The following SLC9A2 variants were observed in gnomAD, a reference collection of about 807,000 sequenced individuals.
SLC9A2 encodes solute carrier family 9 member A2, also known as sodium/hydrogen exchanger 2.
In SLC9A2, 42 loss-of-function variants were observed where a neutral mutation model predicts 71.7. The ratio of observed to expected loss-of-function variants is 0.59; its 90% confidence interval spans 0.46 to 0.76. The LOEUF is 0.76. Ranked by LOEUF, SLC9A2 falls within the 30% of genes least tolerant of loss-of-function variation. The pLI, the probability that SLC9A2 is intolerant of heterozygous loss-of-function variation, is 0.00. For synonymous variants in SLC9A2, 396 were observed against 392.5 expected, an observed-to-expected ratio of 1.01 and a Z score of -0.10; for missense variants, 829 against 1,017.4, an observed-to-expected ratio of 0.81 and a Z score of 2.52.
At chr2:102,679,886 CAA>C (rs1247253255) in intron 3 of SLC9A2, among the ~76,000 whole-genome samples, 1 of 152,084 alleles carries the variant, frequency 6.6e-6, no homozygotes, top group Non-Finnish European at 1.5e-5. Flanking sequence ...AAAATCAACT[CAA>C]GAGGGAGAGA....
intron 1 of SLC9A2, among the ~76,000 whole-genome samples, chr2:102,655,194 T>C (rs577850860): frequency 6.6e-6 from 1 of 150,700 alleles, no homozygotes; most frequent in Admixed American, 6.7e-5. Flanking sequence ...ATGTTTTCTT[T>C]CTTTATACCC....
chr2:102,645,636 A>G (rs761359563), intron 1 of SLC9A2, among the ~76,000 whole-genome samples: 5 of 152,086 alleles, frequency 3.3e-5, no homozygotes, highest in Non-Finnish European at 7.4e-5. Context: ...AAATCACAGC[A>G]TGAGAACTTC....
rs189652778 is a variant in SLC9A2 at position 102,703,092 on chromosome 2, G to A, written c.1845+590G>A. On this transcript the variant is annotated intron_variant, in intron 9 of 11. Transcript: ENST00000233969. ...GGCACAGGGAGGTGAAGTGGCACAC[G>A]GGCCACACAGCTTGTCAGGAGTCCT... Among the ~76,000 whole-genome samples the A allele has an allele frequency of 9.9e-5, 15 of 152,230 alleles. No individual in the cohort carries two copies. The East Asian group carries it at 2.1e-3, about 22-fold the overall frequency.
At chr2:102,620,335 A>G (rs971583940) in intron 1 of SLC9A2, among the ~76,000 whole-genome samples, 198 bp downstream of exon 1, 5 of 152,202 alleles carry the variant, frequency 3.3e-5, no homozygotes, top group African/African-American at 4.8e-5. Flanking sequence ...TTAAGGGAAC[A>G]TTGGCCTTGA....
intron 10 of SLC9A2, among the ~76,000 whole-genome samples, chr2:102,705,444 AT>A (rs1462100804): frequency 6.6e-6 from 1 of 151,870 alleles, no homozygotes; most frequent in African/African-American, 2.4e-5. Flanking sequence ...TTCTATTAAT[AT>A]CATTTTTAAG....
intron 1 of SLC9A2, among the ~76,000 whole-genome samples, chr2:102,636,295 C>A (rs917324131): frequency 2.6e-5 from 4 of 152,110 alleles, no homozygotes; most frequent in African/African-American, 9.7e-5. Flanking sequence ...AGTCTTTTAC[C>A]AAATGGGATA....
chr2:102,635,966 C>G (rs898066120), intron 1 of SLC9A2, among the ~76,000 whole-genome samples: 6 of 151,772 alleles, frequency 4.0e-5, no homozygotes, highest in Non-Finnish European at 5.9e-5. Flanking sequence ...AACCAGGGAG[C>G]TGTTACTGTT....
chr2:102,697,115 A>G (rs1677782331), intron 7 of SLC9A2, among the ~76,000 whole-genome samples: 2 of 152,190 alleles, frequency 1.3e-5, no homozygotes, highest in South Asian at 4.1e-4. Flanking sequence ...CTGAAATGAC[A>G]TATGAGAGGC....
chr2:102,642,921 GT>G (rs1049235680), intron 1 of SLC9A2, among the ~76,000 whole-genome samples: 1 of 151,898 alleles, frequency 6.6e-6, no homozygotes, highest in African/African-American at 2.4e-5. Flanking sequence ...TGCAGTTGGT[GT>G]TTTTTGAGGA....
chr2:102,682,771 T>A (rs1269310194), intron 3 of SLC9A2, among the ~76,000 whole-genome samples: 2 of 152,188 alleles, frequency 1.3e-5, no homozygotes, highest in Non-Finnish European at 2.9e-5. Context: ...ACCAATTATA[T>A]GGCAGGGGGG....
intron 1 of SLC9A2, among the ~76,000 whole-genome samples, chr2:102,639,130 G>A (rs1029357948): frequency 1.3e-5 from 2 of 152,240 alleles, no homozygotes; most frequent in African/African-American, 2.4e-5. Flanking sequence ...GCTGCAGTGA[G>A]TTATGATTGC....
chr2:102,654,827 C>G (rs1300069273), intron 1 of SLC9A2, among the ~76,000 whole-genome samples: 1 of 152,188 alleles, frequency 6.6e-6, no homozygotes, highest in African/African-American at 2.4e-5. Context: ...GTCTACAAAC[C>G]TGTGCAGCAT....
chr2:102,675,110 CT>C (rs372828630), intron 3 of SLC9A2, among the ~76,000 whole-genome samples: 100 of 152,296 alleles, frequency 6.6e-4, no homozygotes, highest in African/African-American at 2.4e-3. Flanking sequence ...CGAACTTAAA[CT>C]AACTTTGAGT....
At chr2:102,634,277 T>C (rs1676427086) in intron 1 of SLC9A2, among the ~76,000 whole-genome samples, 1 of 152,210 alleles carries the variant, frequency 6.6e-6, no homozygotes, top group East Asian at 1.9e-4. Flanking sequence ...CACTGTACTA[T>C]AGTGTATATA....
At chr2:102,698,831 G>A (rs560089474) in intron 7 of SLC9A2, among the ~76,000 whole-genome samples, 4 of 152,302 alleles carry the variant, frequency 2.6e-5, no homozygotes, top group Non-Finnish European at 4.4e-5. Flanking sequence ...TATTGAGCAC[G>A]CTGGCAAGGA....
At chr2:102,643,734 GT>G (rs796163929) in intron 1 of SLC9A2, among the ~76,000 whole-genome samples, 57 of 152,020 alleles carry the variant, frequency 3.7e-4, no homozygotes, top group African/African-American at 1.2e-3. Context: ...ACAGCAATCT[GT>G]TTTTTTCTGC....
rs1678032481 is a variant in SLC9A2 at position 102,708,494 on chromosome 2, A to G, written c.*5A>G. 10 of 1,610,240 alleles carry G rather than the reference A, an allele frequency of 6.2e-6. No individual in the cohort carries two copies. Among genetic ancestry groups the G allele is most frequent in the Non-Finnish European group, 8.5e-6 (10 of 1,177,916 alleles). On this transcript the variant is annotated 3_prime_UTR_variant, in exon 12 of 12. Coordinates refer to ENST00000233969, the MANE Select transcript of SLC9A2 (RefSeq NM_003048.6). ...TTTGGGAGTGAGAAGCCTTAAGAGA[A>G]GCAGCGAAAGCAGATCTGAGTGTCT...
At chr2:102,695,806 A>T (rs1330024475) in intron 7 of SLC9A2, among the ~76,000 whole-genome samples, 1 of 117,812 alleles carries the variant, frequency 8.5e-6, no homozygotes, top group Admixed American at 9.6e-5. Flanking sequence ...TATATTATAT[A>T]TATATATAAT....
At chr2:102,659,494 T>C (rs1677012906) in intron 2 of SLC9A2, among the ~76,000 whole-genome samples, 1 of 152,136 alleles carries the variant, frequency 6.6e-6, no homozygotes, top group Non-Finnish European at 1.5e-5. Context: ...ATTTATTCTC[T>C]GTTAGCTTGT....
Sources: allele counts gnomAD v4.1 joint callset (sites outside exome capture counted in the v4.1 genomes callset), GRCh38; gene constraint gnomAD v4.1.1; transcripts MANE v1.5; gene names NCBI Gene and HGNC (gene_info 2026-07-23, HGNC 2026-07-21).